Variants in C6orf118 observed in about 807,000 individuals in gnomAD.
The protein encoded by C6orf118 is chromosome 6 open reading frame 118, also known as uncharacterized protein C6orf118.
Under a neutral mutation model 50.2 loss-of-function variants are expected in C6orf118, and 50 were observed. The observed-to-expected ratio is 1.00, with a 90% CI of 0.79 to 1.26. C6orf118 has a LOEUF of 1.26. C6orf118 is among the 50% of genes most tolerant of loss of function. The pLI is 0.00. For missense variants in C6orf118, 641 were observed against 578.7 expected (o/e 1.11, Z -1.10); for synonymous variants, 239 against 230.9 (o/e 1.03, Z -0.32).
chr6:165,306,384 T>G (rs1211361419), intron 1 of C6orf118, among the ~76,000 whole-genome samples: 1 of 113,488 alleles, frequency 8.8e-6, no homozygotes, highest in South Asian at 3.5e-4. Context: ...AGATGACACG[T>G]TAGTGGGTGC....
chr6:165,294,866 G>C (rs1187601479), intron 5 of C6orf118, among the ~76,000 whole-genome samples: 4 of 152,176 alleles, frequency 2.6e-5, no homozygotes, highest in East Asian at 1.9e-4. Context: ...CTGGGCAACA[G>C]AGCAAGACCC....
chr6:165,309,493 G>T lies in C6orf118; in HGVS notation c.25+69C>A. Reference sequence around the variant, plus strand: ...TCACATTTCAAATCAGTCTTCAGAAGCCCATCCCTCCACAATTGAACATCA... The same window carrying T: ...TCACATTTCAAATCAGTCTTCAGAATCCCATCCCTCCACAATTGAACATCA... On this transcript the variant is annotated intron_variant, in intron 1 of 8. Transcript: ENST00000230301. 1.9e-6 allele frequency: 3 copies of T among 1,564,462 alleles called. No homozygotes were observed. The South Asian group carries it at 3.3e-5, about 17-fold the overall frequency.
intron 5 of C6orf118, among the ~76,000 whole-genome samples, chr6:165,294,447 CTG>C (rs1234321307): frequency 6.6e-6 from 1 of 152,118 alleles, no homozygotes; most frequent in African/African-American, 2.4e-5. Flanking sequence ...GAGGACAACA[CTG>C]TGATTTGATT....
At chr6:165,292,375 G>GT (rs1780135110) in intron 6 of C6orf118, among the ~76,000 whole-genome samples, 1 of 152,170 alleles carries the variant, frequency 6.6e-6, no homozygotes, top group African/African-American at 2.4e-5. Flanking sequence ...CAATGAAAGG[G>GT]TGATGGGAAC....
chr6:165,281,649 C>A lies in C6orf118; in HGVS notation c.1347G>T (p.Lys449Asn), dbSNP rs142447513. 1 of 1,494,096 alleles carries A rather than the reference C, an allele frequency of 6.7e-7. No homozygotes were observed. Among genetic ancestry groups the A allele is most frequent in the Non-Finnish European group, 8.9e-7 (1 of 1,118,584 alleles). The allele number at this position is 1,494,096 out of a possible 1,614,324, so 92.6% of individuals were successfully genotyped here. The change falls in exon 8 of 9, where the codon AAG becomes AAT. Residue 449 changes from lysine (K) to asparagine (N), a missense_variant. By Grantham distance (94) the Lys-to-Asn change is moderately conservative (BLOSUM62 0). Coordinates refer to ENST00000230301, the MANE Select transcript of C6orf118 (RefSeq NM_144980.4). The stretch of plus-strand genomic sequence containing the variant: ...CACACAAAAAACTTACTTTTATTTT[C>A]TTCTTTAAAATCATATTTTCTGTTT... ...QLETENMILK[K>N]KIKGPLEIYQ... is the part of the protein sequence containing the mutation.
chr6:165,289,952 TTC>T lies in C6orf118; in HGVS notation c.1234_1235del (p.Glu412AsnfsTer2), dbSNP rs780184501. The T allele has an allele frequency of 3.1e-6, 5 of 1,611,216 alleles. No homozygotes were observed. Among genetic ancestry groups the T allele is most frequent in the Non-Finnish European group, 4.2e-6 (5 of 1,178,728 alleles). ...KWDEIQALEK[E>X]IKTTLVHTGI... is the part of the protein sequence containing the mutation. ...CAGTATGAACCAAAGTTGTTTTAAT[TTC>T]TTTTTCCAGAGCTTGTATCTCATCC... On this transcript the variant is annotated frameshift_variant, in exon 7 of 9. Coordinates refer to ENST00000230301, the MANE Select transcript of C6orf118 (RefSeq NM_144980.4). LOFTEE classifies it high-confidence loss of function.
At chr6:165,293,684 C>A (rs1472137950) in intron 5 of C6orf118, among the ~76,000 whole-genome samples, 1 of 151,884 alleles carries the variant, frequency 6.6e-6, no homozygotes, top group East Asian at 1.9e-4. Flanking sequence ...ATTGCATAAG[C>A]CTTTAAAGAG....
chr6:165,295,240 T>C (rs1249958316), intron 5 of C6orf118, among the ~76,000 whole-genome samples: 1 of 152,218 alleles, frequency 6.6e-6, no homozygotes, highest in Non-Finnish European at 1.5e-5. Flanking sequence ...TATGATATAA[T>C]TTTGACTTTT....
At position 165,293,433 on chromosome 6, in the gene C6orf118, T is replaced by G. The variant is rs1309395851; in HGVS notation, c.1100A>C (p.Gln367Pro). Reference protein sequence around the residue: ...SELEMEVALLQSAKERSESSE... With the variant: ...SELEMEVALLPSAKERSESSE... ...CCTGCCTGATCGTTCCTTTGCAGACTGCAGCAATGCCACCTCCATCTCCAG... is the reference window on the plus strand; with the variant it reads ...CCTGCCTGATCGTTCCTTTGCAGACGGCAGCAATGCCACCTCCATCTCCAG... The change falls in exon 6 of 9, where the codon CAG becomes CCG. Residue 367 changes from glutamine to proline, a missense_variant. Physicochemically the swap from Gln to Pro is moderately conservative, Grantham distance 76 (BLOSUM62 -1). Coordinates refer to ENST00000230301, the MANE Select transcript of C6orf118 (RefSeq NM_144980.4). 2 of 1,613,956 alleles carry G rather than the reference T, an allele frequency of 1.2e-6. No individual in the cohort carries two copies. The highest frequency in any genetic ancestry group is 1.7e-6 in the Non-Finnish European group (2 of 1,179,806).
chr6:165,290,128 C>A, intron 6 of C6orf118, 61 bp from the exon 7 acceptor site: 1 of 984,786 alleles, frequency 1.0e-6, no homozygotes, highest in Non-Finnish European at 1.5e-6. Context: ...TTATTAATAG[C>A]ATTATGTATT....
At chr6:165,301,392 A>T (rs899717071) in intron 2 of C6orf118, among the ~76,000 whole-genome samples, 177 bp downstream of exon 2, 3 of 131,906 alleles carry the variant, frequency 2.3e-5, no homozygotes, top group Non-Finnish European at 4.9e-5. Context: ...CTGCACCGAG[A>T]GCACTGCACA....
intron 6 of C6orf118, among the ~76,000 whole-genome samples, chr6:165,290,388 T>G (rs545497659): frequency 4.0e-4 from 61 of 151,784 alleles, no homozygotes; most frequent in Non-Finnish European, 4.1e-4. Flanking sequence ...AACAAGAAAG[T>G]GACAGTGGCA....
intron 7 of C6orf118, among the ~76,000 whole-genome samples, chr6:165,286,110 C>A (rs1779895366): frequency 6.6e-6 from 1 of 151,944 alleles, no homozygotes; most frequent in Non-Finnish European, 1.5e-5. Context: ...ACCACTGACC[C>A]CACAGAAATA....
rs1036279384 is a variant in C6orf118 at position 165,305,187 on chromosome 6, A to G, written c.26-2891T>C. 3.1e-4 allele frequency among the ~76,000 whole-genome samples: 19 copies of G among 60,718 alleles called. 1 individual carries two copies. Among genetic ancestry groups the G allele is most frequent in the Non-Finnish European group, 3.5e-4 (13 of 37,222 alleles). 39.8% of individuals were successfully genotyped at this position (60,718 alleles called of 152,430 possible). A position where few individuals can be genotyped will look rare whatever the true frequency, so the allele number is the denominator to read the frequency against. The stretch of plus-strand genomic sequence containing the variant: ...AATGCCACATATCTACAACTATCTG[A>G]TCTTTGACAAACCTGAGAAAAACAA... On this transcript the variant is annotated intron_variant, in intron 1 of 8. Coordinates refer to ENST00000230301, the MANE Select transcript of C6orf118 (RefSeq NM_144980.4).
chr6:165,302,935 G>A (rs2128164335), intron 1 of C6orf118, among the ~76,000 whole-genome samples: 1 of 152,344 alleles, frequency 6.6e-6, no homozygotes, highest in South Asian at 2.1e-4. Flanking sequence ...TGGCCTAGAA[G>A]AGACGCTTCA....
intron 8 of C6orf118, 119 bp downstream of exon 8, chr6:165,281,521 C>T: frequency 7.0e-7 from 1 of 1,423,442 alleles, no homozygotes. Context: ...ATCTGCTTCA[C>T]ATGGTTTTCA....
At chr6:165,307,571 T>A (rs1193886787) in intron 1 of C6orf118, among the ~76,000 whole-genome samples, 15 of 91,586 alleles carry the variant, frequency 1.6e-4, no homozygotes, top group Admixed American at 3.4e-4. Context: ...AAAAAAAAAT[T>A]TTTTTTAATC....
chr6:165,307,047 C>G (rs1371570782), intron 1 of C6orf118, among the ~76,000 whole-genome samples: 1 of 152,110 alleles, frequency 6.6e-6, no homozygotes, highest in Non-Finnish European at 1.5e-5. Flanking sequence ...AATTTGCTGT[C>G]AGTAAAACCA....
chr6:165,299,011 A>G (rs1374666344), intron 4 of C6orf118, among the ~76,000 whole-genome samples: 1 of 152,202 alleles, frequency 6.6e-6, no homozygotes, highest in Admixed American at 6.5e-5. Context: ...GACCAATCAC[A>G]TGTTTAACCC....
Sources: allele counts gnomAD v4.1 joint callset (sites outside exome capture counted in the v4.1 genomes callset), GRCh38; gene constraint gnomAD v4.1.1; transcripts MANE v1.5; gene names NCBI Gene and HGNC (gene_info 2026-07-23, HGNC 2026-07-21).